Variants in POLE2 observed in about 807,000 individuals in gnomAD.
POLE2 encodes DNA polymerase epsilon 2, accessory subunit, also known as DNA polymerase epsilon subunit 2.
POLE2 carries 56 observed loss-of-function variants against 79.4 expected under a neutral mutation model. The ratio of observed to expected loss-of-function variants is 0.71; its 90% CI spans 0.57 to 0.88. The LOEUF (loss-of-function observed/expected upper bound fraction) is 0.88. POLE2 is among the 40% of genes least tolerant of loss of function. The pLI, the probability that POLE2 is intolerant of heterozygous loss-of-function variation, is 0.00. For missense variants in POLE2, 598 were observed against 638.9 expected (o/e 0.94, Z 0.69); for synonymous variants, 212 against 214.0 (o/e 0.99, Z 0.08).
chr14:49,664,907 G>C (rs376706105), intron 8 of POLE2, among the ~76,000 whole-genome samples, 200 bp downstream of exon 8: 1 of 152,156 alleles, frequency 6.6e-6, no homozygotes, highest in East Asian at 1.9e-4. Context: ...AATTTCGTCA[G>C]TGATTCATCT....
At chr14:49,677,510 AGGGCTCCCACCAGGCCCTGACCCTGCC>A (rs1425896582) in intron 3 of POLE2, 1 of 492,752 alleles carries the variant, frequency 2.0e-6, no homozygotes, top group Non-Finnish European at 3.7e-6. Context: ...CCTCACATGA[AGGGCTCCCACCAGGCCCTGACCCTGCC>A]GGACTAGGCG....
chr14:49,672,253 T>G (rs569203650), intron 5 of POLE2, among the ~76,000 whole-genome samples: 1 of 152,320 alleles, frequency 6.6e-6, no homozygotes, highest in Admixed American at 6.5e-5. Context: ...TTTAATTCAA[T>G]AGGCAGTGAA....
intron 6 of POLE2, among the ~76,000 whole-genome samples, chr14:49,667,030 T>C (rs990609792): frequency 1.3e-5 from 2 of 151,706 alleles, no homozygotes; most frequent in African/African-American, 4.8e-5. Context: ...CTACTAAAAA[T>C]ACAAAAAATT....
At chr14:49,686,664 T>C (rs1341274709) in intron 1 of POLE2, among the ~76,000 whole-genome samples, 1 of 152,192 alleles carries the variant, frequency 6.6e-6, no homozygotes, top group Non-Finnish European at 1.5e-5. Flanking sequence ...AAGCTCTTGC[T>C]CTCTATTGCA....
intron 18 of POLE2, among the ~76,000 whole-genome samples, chr14:49,646,340 T>TA (rs1566522771): frequency 1.6e-5 from 2 of 125,352 alleles, no homozygotes; most frequent in African/African-American, 3.4e-5. Flanking sequence ...TTTTTTGAGA[T>TA]AGAGTCTCAC....
At chr14:49,653,690 C>A (rs1490158074) in intron 15 of POLE2, among the ~76,000 whole-genome samples, 2 of 151,922 alleles carry the variant, frequency 1.3e-5, no homozygotes, top group African/African-American at 4.8e-5. Context: ...GTCGCCCAGG[C>A]TGCAGGCTGG....
At chr14:49,664,698 A>G (rs1433636843) in intron 8 of POLE2, 24 bp from the exon 9 acceptor site, 1 of 1,472,128 alleles carries the variant, frequency 6.8e-7, no homozygotes, top group Admixed American at 1.7e-5. Flanking sequence ...GAGGAAAATA[A>G]TTCTATTCTT....
intron 11 of POLE2, 106 bp downstream of exon 11, chr14:49,655,564 GT>G (rs879834461): frequency 5.2e-5 from 41 of 783,240 alleles, no homozygotes; most frequent in Middle Eastern, 3.8e-4. Context: ...TGCTAACTCT[GT>G]TTTTTTTTAA....
At chr14:49,687,300 C>CCCCACA (rs1887215188) in intron 1 of POLE2, among the ~76,000 whole-genome samples, 1 of 139,744 alleles carries the variant, frequency 7.2e-6, no homozygotes, top group Non-Finnish European at 1.5e-5. Flanking sequence ...TACACACACA[C>CCCCACA]CACACACACA....
Position 49,666,414 on chromosome 14 carries a change from C to A in POLE2, c.493-1G>T. ...CCAATAAGGTTTCTATTGTTTTAAG[C>A]TAAAATAAAACAAAATAAATTTTAA... On this transcript the variant is annotated splice_acceptor_variant, in intron 6 of 18. Coordinates refer to ENST00000216367, the MANE Select transcript of POLE2 (RefSeq NM_002692.4). LOFTEE classifies it high-confidence loss of function. 1 of 1,357,722 alleles carries A rather than the reference C, an allele frequency of 7.4e-7. No homozygotes were observed. Among genetic ancestry groups the A allele is most frequent in the South Asian group, 1.5e-5 (1 of 68,738 alleles). The allele number at this position is 1,357,722 out of a possible 1,614,324, so 84.1% of individuals were successfully genotyped here.
chr14:49,664,684 A>T lies in POLE2; in HGVS notation c.634-10T>A. 6.5e-7 allele frequency: 1 copy of T among 1,549,422 alleles called. No individual in the cohort carries two copies. ...AACCACTATGGAACTGGTACACAAC[A>T]GTTGAGGAAAATAATTCTATTCTTG... On this transcript the variant is annotated splice_polypyrimidine_tract_variant and intron_variant, in intron 8 of 18. Transcript: ENST00000216367.
At chr14:49,683,484 A>G (rs1886885646) in intron 2 of POLE2, 109 bp downstream of exon 2, 5 of 600,106 alleles carry the variant, frequency 8.3e-6, no homozygotes, top group Non-Finnish European at 1.5e-5. Flanking sequence ...ATCTTATAAC[A>G]CTGGGACATC....
chr14:49,652,165 C>CAGAGGGGAA (rs1884297448), intron 15 of POLE2, among the ~76,000 whole-genome samples: 1 of 38,624 alleles, frequency 2.6e-5, no homozygotes, highest in African/African-American at 8.0e-5. Flanking sequence ...GAATAGAATA[C>CAGAGGGGAA]GGAGAGGAGA....
At chr14:49,671,921 TCTAGCCTA>T (rs1885927279) in intron 5 of POLE2, among the ~76,000 whole-genome samples, 2 of 152,146 alleles carry the variant, frequency 1.3e-5, no homozygotes, top group Admixed American at 1.3e-4. Context: ...ACCACTGCAC[TCTAGCCTA>T]GGCGACAGAG....
chr14:49,650,216 AC>A (rs1884109898), intron 17 of POLE2, 48 bp downstream of exon 17: 1 of 949,912 alleles, frequency 1.1e-6, no homozygotes, highest in East Asian at 2.8e-5. Flanking sequence ...TAAAAAATGC[AC>A]TCTAATCTTG....
In POLE2 at chr14:49,675,012, AAAG is replaced by A. The variant is rs143784319; in HGVS notation, c.246-588_246-586del. Among the ~76,000 whole-genome samples, 118 of 152,326 alleles carry A rather than the reference AAAG, an allele frequency of 7.7e-4. 2 individuals carry two copies. The East Asian group carries it at 0.018, about 23-fold the overall frequency. On this transcript the variant is annotated intron_variant, in intron 3 of 18. Transcript: ENST00000216367. Reference sequence around the variant, plus strand: ...CCAGTTAAGAATTTCATCTGTTGAAAAAGAAGAATTATATAAACAATAGTCACA... The same window carrying A: ...CCAGTTAAGAATTTCATCTGTTGAAAAAGAATTATATAAACAATAGTCACA...
At chr14:49,658,003 C>A (rs1367159125) in intron 10 of POLE2, among the ~76,000 whole-genome samples, 1 of 151,960 alleles carries the variant, frequency 6.6e-6, no homozygotes, top group Non-Finnish European at 1.5e-5. Context: ...CCTCCCCACA[C>A]AAAACTGGCC....
chr14:49,662,874 G>A (rs1445718746), intron 10 of POLE2, among the ~76,000 whole-genome samples: 1 of 152,224 alleles, frequency 6.6e-6, no homozygotes, highest in Non-Finnish European at 1.5e-5. Context: ...GCTCCTCTAA[G>A]AGAAGGCCAT....
intron 10 of POLE2, among the ~76,000 whole-genome samples, chr14:49,660,383 T>C (rs1035725819): frequency 3.8e-4 from 58 of 152,186 alleles, no homozygotes; most frequent in African/African-American, 1.4e-3. Context: ...ATATATAAAG[T>C]AATGTTAACA....
Sources: allele counts gnomAD v4.1 joint callset (sites outside exome capture counted in the v4.1 genomes callset), GRCh38; gene constraint gnomAD v4.1.1; transcripts MANE v1.5; gene names NCBI Gene and HGNC (gene_info 2026-07-23, HGNC 2026-07-21).